The following CCHCR1 variants were observed in gnomAD, a reference collection of about 807,000 sequenced individuals.
CCHCR1 encodes the protein HCR (a-helix coiled-coil rod homologue).
Under a neutral mutation model 114.6 loss-of-function variants are expected in CCHCR1, and 91 were observed. That is an observed-to-expected ratio of 0.79 (90% CI 0.67 to 0.94). The LOEUF is 0.94. Among genes scored for constraint, CCHCR1 ranks in the 40% least tolerant of loss-of-function variants. CCHCR1 has a pLI of 0.00. For synonymous variants in CCHCR1, 379 were observed against 428.5 expected (o/e 0.88, Z 1.43); for missense variants, 899 against 1,079.9 (o/e 0.83, Z 2.35).
Position 31,143,109 on chromosome 6 carries a change from A to G in CCHCR1, c.2345T>C (p.Leu782Pro). Residue 782 changes from leucine (L) to proline (P), a missense_variant, in exon 17 of 18, where the codon CTC (leucine) becomes CCC (proline). Transcript: ENST00000396268. This position sits in a 1 kb window ranked among gnomAD's most constrained non-coding sequence, Gnocchi z 5.3. Reference sequence around the variant, plus strand: ...CAGTCGCTGCTGCTTGTAACGGGAGAGGAGACCTTCCTGCTGCAAGGTGGC... The same window carrying G: ...CAGTCGCTGCTGCTTGTAACGGGAGGGGAGACCTTCCTGCTGCAAGGTGGC... ...MLATLQQEGL[L>P]SRYKQQRLLT... The G allele has an allele frequency of 6.2e-7, 1 of 1,612,770 alleles. No individual in the cohort carries two copies. The highest frequency in any genetic ancestry group is 8.5e-7 in the Non-Finnish European group (1 of 1,179,964).
intron 3 of CCHCR1, among the ~76,000 whole-genome samples, chr6:31,155,659 A>G (rs1257167394): frequency 1.3e-5 from 2 of 151,932 alleles, no homozygotes; most frequent in African/African-American, 4.8e-5. Context: ...CTGAGAGAAC[A>G]GTACATAAAT....
chr6:31,143,291 C>T lies in CCHCR1; in HGVS notation c.2290G>A (p.Glu764Lys). The change falls in exon 16 of 18, where the codon GAG becomes AAG. Residue 764 changes from glutamate (E) to lysine (K), a missense_variant. Glu to Lys is a moderately conservative substitution (Grantham distance 56). Transcript: ENST00000396268. The surrounding 1 kb of genome is among the most constrained non-coding windows in gnomAD (Gnocchi z 5.3). ...ATGAGGTTCTTATCCCTCTCTAGCT[C>T]CTGCAAGCGCCGGGCCAGTCGCTGC... ...EGQRLARRLQ[E>K]LERDKNLMLA... 1 of 1,612,832 alleles carries T rather than the reference C, an allele frequency of 6.2e-7. No homozygotes were observed. Among genetic ancestry groups the T allele is most frequent in the Non-Finnish European group, 8.5e-7 (1 of 1,180,036 alleles).
chr6:31,157,498 G>A lies in CCHCR1; in HGVS notation c.103C>T (p.Leu35Phe). The A allele has an allele frequency of 6.2e-7, 1 of 1,613,046 alleles. No homozygotes were observed. Among genetic ancestry groups the A allele is most frequent in the Non-Finnish European group, 8.5e-7 (1 of 1,180,018 alleles). ...CAGAGTTCTCTCCATGGCTCAGCAA[G>A]GCCTGAGGGAAGCCCATCCAGACAC... is the stretch of plus-strand genomic sequence containing the variant. ...CWCLDGLPSG[L>F]AEPWRELWRW... Residue 35 changes from leucine (L) to phenylalanine (F), a missense_variant, in exon 1 of 18, where the codon CTT (leucine) becomes TTT (phenylalanine). Coordinates refer to ENST00000396268, the MANE Select transcript of CCHCR1 (RefSeq NM_001105564.2).
At chr6:31,146,578 T>C (rs573835797) in intron 10 of CCHCR1, among the ~76,000 whole-genome samples, 1 of 152,294 alleles carries the variant, frequency 6.6e-6, no homozygotes, top group Admixed American at 6.5e-5. Flanking sequence ...AAACACATGA[T>C]GATGAAGGCT....
chr6:31,151,085 G>A lies in CCHCR1; in HGVS notation c.839C>T (p.Ser280Phe), dbSNP rs768101849. Residue 280 changes from serine (S) to phenylalanine (F), a missense_variant, in exon 5 of 18, where the codon TCC (serine) becomes TTC (phenylalanine). By Grantham distance (155) the Ser-to-Phe change is radical. Coordinates refer to ENST00000396268, the MANE Select transcript of CCHCR1 (RefSeq NM_001105564.2). This position sits in a 1 kb window ranked among gnomAD's most constrained non-coding sequence, Gnocchi z 4.1. Reference sequence around the variant, plus strand: ...GCCCTCAGCCTTGCTGGTCAAACTGGAAAGAGCCTCCTCGTGAGCCTGTGT... The same window carrying A: ...GCCCTCAGCCTTGCTGGTCAAACTGAAAAGAGCCTCCTCGTGAGCCTGTGT... ...SLTQAHEEALSSLTSKAEGLE... is the reference protein window; with the variant it reads ...SLTQAHEEALFSLTSKAEGLE... 10 of 1,612,950 alleles carry A rather than the reference G, an allele frequency of 6.2e-6. No homozygotes were observed. The highest frequency in any genetic ancestry group is 8.5e-6 in the Non-Finnish European group (10 of 1,180,036).
rs1429868992 is a variant in CCHCR1 at position 31,151,913 on chromosome 6, C to T, written c.802-791G>A. Among the ~76,000 whole-genome samples, 1 of 152,116 alleles carries T rather than the reference C, an allele frequency of 6.6e-6. No homozygotes were observed. Among genetic ancestry groups the T allele is most frequent in the Non-Finnish European group, 1.5e-5 (1 of 68,034 alleles). On this transcript the variant is annotated intron_variant, in intron 4 of 17. Transcript: ENST00000396268. This position sits in a 1 kb window ranked among gnomAD's most constrained non-coding sequence, Gnocchi z 4.1. ...GGTCTGCCTCCTCTAGCCCTGTCTC[C>T]ATACAACAATAAAATTAATTTGGGG...
At chr6:31,147,298 G>T (rs1251331330) in intron 10 of CCHCR1, among the ~76,000 whole-genome samples, 1 of 151,696 alleles carries the variant, frequency 6.6e-6, no homozygotes, top group Non-Finnish European at 1.5e-5. Flanking sequence ...TACTCAGGAG[G>T]CTGAGGCAGG....
At position 31,150,166 on chromosome 6, in the gene CCHCR1, G is replaced by T; in HGVS notation, c.1262C>A (p.Ser421Tyr). 1 of 1,614,164 alleles carries T rather than the reference G, an allele frequency of 6.2e-7. No homozygotes were observed. The highest frequency in any genetic ancestry group is 1.1e-5 in the South Asian group (1 of 91,082). ...LEPEFTRKCQ[S>Y]LLNRWREKVF... The stretch of plus-strand genomic sequence containing the variant: ...CTTCTCCCGCCAGCGGTTCAGCAGG[G>T]ACTGGCACTTCCTGGTAAACTCAGG... Residue 421 changes from serine (S) to tyrosine (Y), a missense_variant, in exon 8 of 18, where the codon TCC becomes TAC. By Grantham distance (144) the Ser-to-Tyr change is moderately radical. Transcript: ENST00000396268. The surrounding 1 kb of genome is among the most constrained non-coding windows in gnomAD (Gnocchi z 5.3).
chr6:31,147,436 T>C (rs1019751346), intron 10 of CCHCR1, among the ~76,000 whole-genome samples: 3 of 149,330 alleles, frequency 2.0e-5, no homozygotes, highest in Non-Finnish European at 4.4e-5. Context: ...CTACCTGCCT[T>C]GGGTACCTCA....
rs151157774 is a variant in CCHCR1 at position 31,151,344 on chromosome 6, C to T, written c.802-222G>A. The stretch of plus-strand genomic sequence containing the variant: ...AAACATATCTTCACCTCTCTGTCTC[C>T]GTCTCCACTGCCACCAACCCTCATC... On this transcript the variant is annotated intron_variant, in intron 4 of 17. Coordinates refer to ENST00000396268, the MANE Select transcript of CCHCR1 (RefSeq NM_001105564.2). This position sits in a 1 kb window ranked among gnomAD's most constrained non-coding sequence, Gnocchi z 4.1. Among the ~76,000 whole-genome samples the T allele has an allele frequency of 3.3e-5, 5 of 152,218 alleles. No homozygotes were observed. The highest frequency in any genetic ancestry group is 2.1e-4 in the South Asian group (1 of 4,834).
rs1380286592 is a variant in CCHCR1 at position 31,157,056 on chromosome 6, G to A, written c.250C>T (p.Pro84Ser). 6.2e-7 allele frequency: 1 copy of A among 1,612,198 alleles called. No individual in the cohort carries two copies. Among genetic ancestry groups the A allele is most frequent in the Admixed American group, 1.7e-5 (1 of 59,956 alleles). Residue 84 changes from proline to serine, a missense_variant, in exon 2 of 18, where the codon CCT becomes TCT. Transcript: ENST00000396268. Reference protein sequence around the residue: ...NIDGWRQNLEPSNNVEMFPPS... With the variant: ...NIDGWRQNLESSNNVEMFPPS... ...GGAAACATCTCCACATTATTTGAAG[G>A]CTCTAGATTCTGTCTCCAGCCATCT...
rs762611519 is a variant in CCHCR1, at chr6:31,145,716, C to T, written c.1673G>A (p.Arg558His). The change falls in exon 11 of 18, where the codon CGC (arginine) becomes CAC (histidine). Residue 558 changes from arginine (R) to histidine (H), a missense_variant. By Grantham distance (29) the Arg-to-His change is conservative. Transcript: ENST00000396268. The stretch of plus-strand genomic sequence containing the variant: ...CGCACCCCGAATGGTGTGGACCTTG[C>T]GGACAGCATAGCTGAGTCGGTTGTT... Reference protein sequence around the residue: ...SLNNRLSYAVRKVHTIRGLIA... With the variant: ...SLNNRLSYAVHKVHTIRGLIA... 5.6e-6 allele frequency: 9 copies of T among 1,613,200 alleles called. No homozygotes were observed. In the South Asian group the frequency reaches 6.6e-5, roughly 12 times the overall value.
At chr6:31,153,000 G>C (rs1188406733) in intron 4 of CCHCR1, among the ~76,000 whole-genome samples, 3 of 151,844 alleles carry the variant, frequency 2.0e-5, no homozygotes, top group Non-Finnish European at 4.4e-5. Flanking sequence ...ACGGTAGCTT[G>C]TTGTTTTTTT....
Position 31,157,687 on chromosome 6 carries a change from A to C in CCHCR1, c.-87T>G. 1 of 1,049,840 alleles carries C rather than the reference A, an allele frequency of 9.5e-7. No homozygotes were observed. The highest frequency in any genetic ancestry group is 1.5e-5 in the South Asian group (1 of 67,738). 65.0% of individuals were successfully genotyped at this position (1,049,840 alleles called of 1,614,324 possible). ...AGCCAGCGTCCTGACATCTTATTCA[A>C]ATCTTTCCTGCGGCTGTTCTCTCAG... is the stretch of plus-strand genomic sequence containing the variant. On this transcript the variant is annotated 5_prime_UTR_variant, in exon 1 of 18. In the 5' UTR this introduces an upstream ATG that the reference lacks. Coordinates refer to ENST00000396268, the MANE Select transcript of CCHCR1 (RefSeq NM_001105564.2).
In CCHCR1 at chr6:31,156,883, TC is replaced by T. The variant is rs1317787246; in HGVS notation, c.344del (p.Arg115LysfsTer26). On this transcript the variant is annotated frameshift_variant, in exon 3 of 18. Coordinates refer to ENST00000396268, the MANE Select transcript of CCHCR1 (RefSeq NM_001105564.2). LOFTEE classifies it high-confidence loss of function. Reference sequence around the variant, plus strand: ...TGTCTGAGAGCCAGGTGGGAGCCATTCTTGGCAGAGTTGAAAGGGGCCGAGC... The same window carrying T: ...TGTCTGAGAGCCAGGTGGGAGCCATTTTGGCAGAGTTGAAAGGGGCCGAGC... ...FQARPLSTLP[R>X]MAPTWLSDIP... is the part of the protein sequence containing the mutation. The T allele has an allele frequency of 6.2e-7, 1 of 1,612,810 alleles. No individual in the cohort carries two copies. The highest frequency in any genetic ancestry group is 1.3e-5 in the African/African-American group (1 of 74,892).
At chr6:31,156,610 T>C (rs1471335338) in intron 3 of CCHCR1, 121 bp downstream of exon 3, 6 of 763,566 alleles carry the variant, frequency 7.9e-6, no homozygotes, top group Admixed American at 5.4e-5. Context: ...TAGGAACTAA[T>C]TGCTTACATA....
chr6:31,144,332 G>A lies in CCHCR1; in HGVS notation c.2167+355C>T, dbSNP rs1199897398. 1.3e-5 allele frequency among the ~76,000 whole-genome samples: 2 copies of A among 152,012 alleles called. No homozygotes were observed. Among genetic ancestry groups the A allele is most frequent in the Non-Finnish European group, 2.9e-5 (2 of 68,006 alleles). ...CATCAGCCTCACAAGTAAGCTTGGG[G>A]TACAGGTGCCCACCACCAGGCCTAG... On this transcript the variant is annotated intron_variant, in intron 15 of 17. Coordinates refer to ENST00000396268, the MANE Select transcript of CCHCR1 (RefSeq NM_001105564.2). This position sits in a 1 kb window ranked among gnomAD's most constrained non-coding sequence, Gnocchi z 4.6.
Position 31,156,824 on chromosome 6 carries a change from A to G in CCHCR1, c.404T>C (p.Val135Ala). Residue 135 changes from valine to alanine, a missense_variant, in exon 3 of 18, where the codon GTC (valine) becomes GCC (alanine). Val to Ala is a moderately conservative substitution (Grantham distance 64, BLOSUM62 0). Coordinates refer to ENST00000396268, the MANE Select transcript of CCHCR1 (RefSeq NM_001105564.2). ...CTGGGTGTCTAGCCGCCTCTCTGAGACATCTTGATGGCCTGGGGGTTGGAC... is the reference window on the plus strand; with the variant it reads ...CTGGGTGTCTAGCCGCCTCTCTGAGGCATCTTGATGGCCTGGGGGTTGGAC... ...PLVQPPGHQDVSERRLDTQRP... is the reference protein window; with the variant it reads ...PLVQPPGHQDASERRLDTQRP... 1.2e-6 allele frequency: 2 copies of G among 1,612,906 alleles called. No individual in the cohort carries two copies. The highest frequency in any genetic ancestry group is 1.7e-6 in the Non-Finnish European group (2 of 1,179,996).
At position 31,144,690 on chromosome 6, in the gene CCHCR1, C is replaced by A; in HGVS notation, c.2164G>T (p.Ala722Ser). The A allele has an allele frequency of 6.2e-7, 1 of 1,604,524 alleles. No homozygotes were observed. The highest frequency in any genetic ancestry group is 8.5e-7 in the Non-Finnish European group (1 of 1,172,618). ...TATCCACCCTGGCAAGGCTCACCGG[C>A]CTTGGCATGCTCCCTCCGAGCCTCG... ...LNEARREHAK[A>S]VVSLRQIQRR... The change falls in exon 15 of 18, where the codon GCC becomes TCC. Residue 722 changes from alanine to serine, a missense_variant. Ala to Ser is a moderately conservative substitution (Grantham distance 99). Coordinates refer to ENST00000396268, the MANE Select transcript of CCHCR1 (RefSeq NM_001105564.2). The surrounding 1 kb of genome is among the most constrained non-coding windows in gnomAD (Gnocchi z 4.6).
Sources: gnomAD v4.1 joint callset for allele counts (sites outside exome capture counted in the v4.1 genomes callset) on GRCh38, gnomAD v4.1.1 for gene constraint, Gnocchi (gnomAD v3.1) non-coding constraint, MANE v1.5 for transcripts, NCBI Gene and HGNC (gene_info 2026-07-23, HGNC 2026-07-21) for gene names.